Variants in LINGO1 observed in about 807,000 individuals in gnomAD.
The protein encoded by LINGO1 is leucine rich repeat and Ig domain containing 1, also known as leucine-rich repeat and immunoglobulin-like domain-containing nogo receptor-interacting protein 1.
Under a neutral mutation model 37.3 loss-of-function variants are expected in LINGO1, and 11 were observed. The ratio of observed to expected loss-of-function variants is 0.29; its 90% confidence interval spans 0.19 to 0.49. The LOEUF (loss-of-function observed/expected upper bound fraction) is 0.49, where lower values mean the gene tolerates loss of function less well. Ranked by LOEUF, LINGO1 falls within the 20% of genes least tolerant of loss-of-function variation. The pLI is 0.99. For synonymous variants in LINGO1, 387 were observed against 403.0 expected (o/e 0.96, Z 0.48); for missense variants, 585 against 878.2 (o/e 0.67, Z 4.22).
At chr15:77,622,533 A>G (rs1011645272) in intron 1 of LINGO1, among the ~76,000 whole-genome samples, 4 of 152,184 alleles carry the variant, frequency 2.6e-5, no homozygotes, top group Admixed American at 6.5e-5. Flanking sequence ...ATCACCAAGG[A>G]AAAGAAGCAA....
intron 1 of LINGO1, among the ~76,000 whole-genome samples, chr15:77,777,465 GCACACACA>G (rs112112009): frequency 2.9e-4 from 40 of 140,002 alleles, no homozygotes; most frequent in Admixed American, 7.0e-4. Flanking sequence ...ATACACACAC[GCACACACA>G]CACACACACA....
upstream of LINGO1, among the ~76,000 whole-genome samples, chr15:77,698,760 C>T (rs1368240840): frequency 6.6e-6 from 1 of 152,152 alleles, no homozygotes; most frequent in Admixed American, 6.5e-5. Flanking sequence ...GGCCATTAGG[C>T]CCAGCGGACT....
chr15:77,670,958 T>C (rs1233217869), intron 3 of LINGO1, among the ~76,000 whole-genome samples: 3 of 152,220 alleles, frequency 2.0e-5, no homozygotes, highest in Non-Finnish European at 4.4e-5. Context: ...ATCATCCCTT[T>C]GCTCACACAG....
At chr15:77,772,178 C>A (rs1030465208) in intron 1 of LINGO1, among the ~76,000 whole-genome samples, 3 of 152,230 alleles carry the variant, frequency 2.0e-5, no homozygotes, top group African/African-American at 4.8e-5. Flanking sequence ...CTCCACCTGG[C>A]TTATCTAACC....
At chr15:77,664,831 G>A (rs1341031807) in intron 3 of LINGO1, among the ~76,000 whole-genome samples, 3 of 152,176 alleles carry the variant, frequency 2.0e-5, no homozygotes, top group Non-Finnish European at 2.9e-5. Flanking sequence ...GGAGGGGAAG[G>A]GTGTGTCCCT....
intron 2 of LINGO1, among the ~76,000 whole-genome samples, chr15:77,703,973 A>G (rs1469195901): frequency 6.6e-6 from 1 of 152,208 alleles, no homozygotes; most frequent in Non-Finnish European, 1.5e-5. Context: ...AGAAATGCTG[A>G]GGGACCCTGA....
At chr15:77,634,228 T>C (rs1478631626), upstream of LINGO1, 2 of 441,656 alleles carry the variant, frequency 4.5e-6, no homozygotes, top group South Asian at 1.6e-5. Context: ...AACAGCACCT[T>C]GTTTCTCGCT....
intron 1 of LINGO1, among the ~76,000 whole-genome samples, chr15:77,746,207 C>CA (rs34220013): frequency 0.052 from 3,914 of 75,092 alleles, 113 homozygotes; most frequent in Middle Eastern, 0.071. Flanking sequence ...GACCCTGTCT[C>CA]AAAAAAAAAA....
chr15:77,799,805 CT>C (rs57923470), intron 1 of LINGO1, among the ~76,000 whole-genome samples: 2 of 151,254 alleles, frequency 1.3e-5, no homozygotes, highest in African/African-American at 4.9e-5. Flanking sequence ...GTTTTGTTTT[CT>C]TTTTTTTTGA....
chr15:77,688,641 C>T (rs909884285), intron 2 of LINGO1, among the ~76,000 whole-genome samples: 2 of 152,154 alleles, frequency 1.3e-5, no homozygotes, highest in South Asian at 2.1e-4. Context: ...TGGCTGCAGT[C>T]GGCACTGAAT....
intron 1 of LINGO1, among the ~76,000 whole-genome samples, chr15:77,797,082 G>A (rs1008799935): frequency 1.3e-5 from 2 of 152,154 alleles, no homozygotes; most frequent in Non-Finnish European, 2.9e-5. Flanking sequence ...AGGGGAGGGC[G>A]CTAGGAAGTT....
At chr15:77,781,437 T>C (rs1357673686) in intron 1 of LINGO1, among the ~76,000 whole-genome samples, 1 of 152,226 alleles carries the variant, frequency 6.6e-6, no homozygotes, top group Non-Finnish European at 1.5e-5. Context: ...TAAATAAATA[T>C]ACATTTTCAT....
chr15:77,617,824 T>C, intron 1 of LINGO1, among the ~76,000 whole-genome samples: 1 of 152,354 alleles, frequency 6.6e-6, no homozygotes, highest in East Asian at 1.9e-4. Flanking sequence ...GGTTGTTGAT[T>C]GACCAAGTCA....
chr15:77,646,031 C>G lies in LINGO1; in HGVS notation c.-12-30131G>C, dbSNP rs80124031. Among the ~76,000 whole-genome samples, 242 of 152,324 alleles carry G rather than the reference C, an allele frequency of 1.6e-3. 4 individuals are homozygous for G. Among genetic ancestry groups the G allele is most frequent in the African/African-American group, 5.6e-3 (233 of 41,566 alleles). On this transcript the variant is annotated intron_variant, in intron 3 of 3. Coordinates refer to the LINGO1 transcript ENST00000559893. ...TCTGCAAAGCAGGGATGGTGTCTGC[C>G]TCATTTAGAGGCTGGGGAGTGGGCG...
rs116712237 is a variant in LINGO1, at chr15:77,671,443, G to A, written c.-13+5646C>T. On this transcript the variant is annotated intron_variant, in intron 3 of 3. Transcript: ENST00000559893. ...CCAGGGTCCCAGGAAGGCTAAGCCA[G>A]AGCCCAACACAGTGATGACGCAGTT... Among the ~76,000 whole-genome samples the A allele has an allele frequency of 5.2e-3, 789 of 152,362 alleles. 8 individuals carry two copies. Among genetic ancestry groups the A allele is most frequent in the African/African-American group, 0.018 (760 of 41,582 alleles).
At chr15:77,742,947 A>G (rs1249899415) in intron 1 of LINGO1, among the ~76,000 whole-genome samples, 1 of 152,250 alleles carries the variant, frequency 6.6e-6, no homozygotes, top group Non-Finnish European at 1.5e-5. Context: ...CGATGCTCCA[A>G]GAAAGCTTGG....
At chr15:77,739,300 A>G (rs2076236838) in intron 1 of LINGO1, among the ~76,000 whole-genome samples, 1 of 152,136 alleles carries the variant, frequency 6.6e-6, no homozygotes, top group Admixed American at 6.5e-5. Context: ...GACCCAGAAG[A>G]TTGATCTTTG....
intron 1 of LINGO1, among the ~76,000 whole-genome samples, chr15:77,747,690 C>T (rs1251301414): frequency 6.6e-6 from 1 of 152,264 alleles, no homozygotes; most frequent in Non-Finnish European, 1.5e-5. Context: ...AAGGAGGCTG[C>T]ACCAATGCAG....
chr15:77,795,741 C>T (rs1379434530), intron 2 of LINGO1, among the ~76,000 whole-genome samples: 1 of 152,240 alleles, frequency 6.6e-6, no homozygotes, highest in Non-Finnish European at 1.5e-5. Flanking sequence ...GGGAAGAACG[C>T]CCCACGCTTC....
Sources: gnomAD v4.1 joint callset for allele counts (sites outside exome capture counted in the v4.1 genomes callset) on GRCh38, gnomAD v4.1.1 for gene constraint, MANE v1.5 for transcripts, NCBI Gene and HGNC (gene_info 2026-07-23, HGNC 2026-07-21) for gene names.